Variants in NF1 observed in about 807,000 individuals in gnomAD.
The protein encoded by NF1 is neurofibromin.
NF1 carries 122 observed loss-of-function variants against 325.7 expected under a neutral mutation model. The ratio of observed to expected loss-of-function variants is 0.37; its 90% CI spans 0.32 to 0.44. NF1 has a LOEUF of 0.44. Ranked by LOEUF, NF1 falls within the 20% of genes least tolerant of loss-of-function variation. The pLI is 1.00. For missense variants in NF1, 2,140 were observed against 3,415.4 expected (o/e 0.63, Z 9.31); for synonymous variants, 1,091 against 1,186.0 (o/e 0.92, Z 1.65).
At chr17:31,109,609 C>T (rs1367039416) in intron 1 of NF1, among the ~76,000 whole-genome samples, 3 of 152,088 alleles carry the variant, frequency 2.0e-5, no homozygotes, top group Admixed American at 6.6e-5. Context: ...GTCTCGAGCT[C>T]GTAACCTCAG....
chr17:31,222,193 T>G, intron 15 of NF1: 2 of 1,148,176 alleles, frequency 1.7e-6, no homozygotes, highest in Non-Finnish European at 2.1e-6. Flanking sequence ...GTATATTACT[T>G]TTTTCAGATT....
At chr17:31,148,759 T>C (rs1424196436) in intron 1 of NF1, among the ~76,000 whole-genome samples, 1 of 152,134 alleles carries the variant, frequency 6.6e-6, no homozygotes, top group Non-Finnish European at 1.5e-5. Flanking sequence ...TTCCTCTCTT[T>C]ATACCATTAA....
intron 29 of NF1, among the ~76,000 whole-genome samples, chr17:31,243,932 A>G (rs2067347824): frequency 1.3e-5 from 2 of 151,608 alleles, no homozygotes; most frequent in South Asian, 4.2e-4. Context: ...TCACCCCTGA[A>G]GCCAGCATGT....
intron 36 of NF1, among the ~76,000 whole-genome samples, chr17:31,290,209 T>A (rs1287894260): frequency 1.3e-5 from 2 of 152,214 alleles, no homozygotes; most frequent in African/African-American, 4.8e-5. Flanking sequence ...TGATAATTTC[T>A]TTGTGATTGT....
intron 29 of NF1, among the ~76,000 whole-genome samples, chr17:31,240,525 G>A (rs1474867302): frequency 6.6e-6 from 1 of 152,166 alleles, no homozygotes; most frequent in Non-Finnish European, 1.5e-5. Flanking sequence ...ATTGTGAATA[G>A]TGCTGCAACA....
chr17:31,151,053 T>A (rs899239934), intron 1 of NF1, among the ~76,000 whole-genome samples: 5 of 150,928 alleles, frequency 3.3e-5, no homozygotes, highest in Non-Finnish European at 5.9e-5. Flanking sequence ...AATAAATAAA[T>A]AAATAAAAAT....
In NF1 at chr17:31,095,162, C is replaced by A. The variant is rs886052792; in HGVS notation, c.-148C>A. On this transcript the variant is annotated 5_prime_UTR_variant, in exon 1 of 58. Transcript: ENST00000358273. ...CTCCCGCTCGGCGCTGACCCCCCAT[C>A]CCCACCCCCGTGGGAACACTGGGAG... The A allele has an allele frequency of 1.5e-6, 1 of 667,338 alleles. No homozygotes were observed. The highest frequency in any genetic ancestry group is 2.7e-6 in the Non-Finnish European group (1 of 371,232). The allele number at this position is 667,338 out of a possible 1,614,324, so 41.3% of individuals were successfully genotyped here. A position where few individuals can be genotyped will look rare whatever the true frequency, so the allele number is the denominator to read the frequency against.
intron 36 of NF1, among the ~76,000 whole-genome samples, chr17:31,268,809 C>T (rs747673020): frequency 6.6e-6 from 1 of 151,942 alleles, no homozygotes; most frequent in Non-Finnish European, 1.5e-5. Context: ...AACAATCTTC[C>T]TGCCTCATAC....
Position 31,095,058 on chromosome 17 carries a change from G to GA in NF1, c.-252_-251insA. 1 of 558,826 alleles carries GA rather than the reference G, an allele frequency of 1.8e-6. No homozygotes were observed. The highest frequency in any genetic ancestry group is 2.2e-5 in the South Asian group (1 of 45,490). 34.6% of individuals were successfully genotyped at this position (558,826 alleles called of 1,614,324 possible). ...CGCTAGTGGGGAGAGCGACCAAGAGGCCCCCTCCCCTCCCCGGGTCCCCTT... is the reference window on the plus strand; with the variant it reads ...CGCTAGTGGGGAGAGCGACCAAGAGGACCCCCTCCCCTCCCCGGGTCCCCTT... On this transcript the variant is annotated 5_prime_UTR_variant, in exon 1 of 58. Transcript: ENST00000358273.
intron 42 of NF1, 61 bp from the exon 43 acceptor site, chr17:31,337,307 G>A: frequency 7.5e-7 from 1 of 1,331,956 alleles, no homozygotes; most frequent in Non-Finnish European, 1.1e-6. Context: ...ATGAAACATG[G>A]AACTTTAGAA....
chr17:31,317,989 G>T, intron 36 of NF1: 1 of 276,934 alleles, frequency 3.6e-6, no homozygotes, highest in Non-Finnish European at 6.8e-6. Flanking sequence ...AACCACTGTT[G>T]CTACATAGGG....
At chr17:31,203,858 G>A (rs72813627) in intron 11 of NF1, among the ~76,000 whole-genome samples, 12,427 of 152,040 alleles carry the variant, frequency 0.082, 691 homozygotes, top group Non-Finnish European at 0.12. Flanking sequence ...GTAGTAAGGT[G>A]TTTGGAGTTC....
At chr17:31,286,517 A>G (rs1567874961) in intron 36 of NF1, among the ~76,000 whole-genome samples, 1 of 152,206 alleles carries the variant, frequency 6.6e-6, no homozygotes, top group Non-Finnish European at 1.5e-5. Flanking sequence ...ATCCAAGTAT[A>G]TTTTGTTAAA....
chr17:31,336,471 A>G lies in NF1; in HGVS notation c.6145A>G (p.Lys2049Glu), dbSNP rs2151553611. The G allele has an allele frequency of 6.2e-7, 1 of 1,614,158 alleles. No individual in the cohort carries two copies. Among genetic ancestry groups the G allele is most frequent in the Non-Finnish European group, 8.5e-7 (1 of 1,180,030 alleles). Residue 2049 changes from lysine to glutamate, a missense_variant and splice_region_variant, in exon 41 of 58, where the codon AAG (lysine) becomes GAG (glutamate). Physicochemically the swap from Lys to Glu is moderately conservative, Grantham distance 56. This residue lies in a region of NF1 where 180 missense variants were observed against 435.1 expected (regional missense o/e 0.41). Transcript: ENST00000358273. This position sits in a 1 kb window ranked among gnomAD's most constrained non-coding sequence, Gnocchi z 5.5. ...TGGAAATGTGAAATTGGTTTCAAGCAAGGTAATCACTTTTCTTTTGCCTTC... is the reference window on the plus strand; with the variant it reads ...TGGAAATGTGAAATTGGTTTCAAGCGAGGTAATCACTTTTCTTTTGCCTTC... ...ASGNVKLVSS[K>E]VIGRMCKIID... is the part of the protein sequence containing the mutation.
chr17:31,371,954 A>G (rs971351756), intron 57 of NF1, among the ~76,000 whole-genome samples: 3 of 152,238 alleles, frequency 2.0e-5, no homozygotes, highest in Non-Finnish European at 4.4e-5. Flanking sequence ...TCCAAATGAA[A>G]GATGAGTGGC....
chr17:31,278,117 C>T (rs897622837), intron 36 of NF1: 1 of 152,084 alleles, frequency 6.6e-6, no homozygotes, highest in African/African-American at 2.4e-5. Context: ...GACCTTGTCT[C>T]TAAAAAACAA....
chr17:31,148,735 A>T (rs917019866), intron 1 of NF1, among the ~76,000 whole-genome samples: 13 of 152,160 alleles, frequency 8.5e-5, no homozygotes, highest in African/African-American at 3.1e-4. Context: ...TTAAAATACC[A>T]CAGAATTATT....
Position 31,374,020 on chromosome 17 carries a change from C to T in NF1, c.8385C>T (p.Asp2795=), listed in dbSNP as rs144635489. The change falls in exon 58 of 58, where the codon GAC becomes GAT. Residue 2795 remains aspartate (D), a synonymous_variant. Transcript: ENST00000358273. Reference sequence around the variant, plus strand: ...TGTTCTCTTTTTCTCCAGGAATCGACAAGGAGAACGTTGAACTCTCCCCTA... The same window carrying T: ...TGTTCTCTTTTTCTCCAGGAATCGATAAGGAGAACGTTGAACTCTCCCCTA... ...LATSQHSPGI[D]KENVELSPTT... The T allele has an allele frequency of 3.1e-6, 5 of 1,614,034 alleles. No individual in the cohort carries two copies. In the Admixed American group the frequency reaches 5.0e-5, roughly 16 times the overall value.
In NF1 at chr17:31,163,100, C is replaced by CTG. The variant is rs1051210268; in HGVS notation, c.289-76_289-75dup. ...ATGTAAGGTGTTCATTATTTTTGTT[C>CTG]TGTGTGTGTGTTTGAAAATTTTCAT... On this transcript the variant is annotated intron_variant, in intron 3 of 57. Coordinates refer to ENST00000358273, the MANE Select transcript of NF1 (RefSeq NM_001042492.3). The CTG allele has an allele frequency of 4.8e-4, 625 of 1,303,378 alleles. 1 individual carries two copies. The highest frequency in any genetic ancestry group is 3.3e-4 in the Non-Finnish European group (305 of 917,316). 80.7% of individuals were successfully genotyped at this position (1,303,378 alleles called of 1,614,324 possible). A position where few individuals can be genotyped will look rare whatever the true frequency, so the allele number is the denominator to read the frequency against.
Sources: gnomAD v4.1 joint callset for allele counts (sites outside exome capture counted in the v4.1 genomes callset) on GRCh38, gnomAD v4.1.1 for gene constraint, gnomAD v4.1.1 regional missense constraint, Gnocchi (gnomAD v3.1) non-coding constraint, MANE v1.5 for transcripts, NCBI Gene and HGNC (gene_info 2026-07-23, HGNC 2026-07-21) for gene names.